Variants in ZNF143 observed in about 807,000 individuals in gnomAD.
ZNF143 encodes zinc finger protein 143, also known as SPH-binding factor.
In ZNF143, 49 loss-of-function variants were observed where a neutral mutation model predicts 74.1. The ratio of observed to expected loss-of-function variants is 0.66; its 90% confidence interval spans 0.53 to 0.84. The LOEUF (loss-of-function observed/expected upper bound fraction) is 0.84, where lower values mean the gene tolerates loss of function less well. Ranked by LOEUF, ZNF143 falls within the 40% of genes least tolerant of loss-of-function variation. The pLI is 0.00. For synonymous variants in ZNF143, 304 were observed against 282.8 expected, an observed-to-expected ratio of 1.07 and a Z score of -0.75; for missense variants, 637 against 793.4, an observed-to-expected ratio of 0.80 and a Z score of 2.37.
intron 13 of ZNF143, among the ~76,000 whole-genome samples, chr11:9,513,622 G>A (rs1275972540): frequency 6.6e-6 from 1 of 152,240 alleles, no homozygotes; most frequent in Middle Eastern, 3.2e-3. Flanking sequence ...GGGTCCAGGC[G>A]CGGAGGCTTA....
At position 9,479,468 on chromosome 11, in the gene ZNF143, A is replaced by G. The variant is rs374795083; in HGVS notation, c.571-4A>G. The G allele has an allele frequency of 2.7e-5, 43 of 1,610,560 alleles. No individual in the cohort carries two copies. The highest frequency in any genetic ancestry group is 7.7e-5 in the South Asian group (7 of 90,814). On this transcript the variant is annotated splice_region_variant and splice_polypyrimidine_tract_variant and intron_variant, in intron 6 of 15. Coordinates refer to ENST00000396602, the MANE Select transcript of ZNF143 (RefSeq NM_003442.6). ...CATTTTAAAGCTTTATTTTATTCCT[A>G]TAGGTGTCCATTGATGGAAGTGAAA...
intron 14 of ZNF143, among the ~76,000 whole-genome samples, chr11:9,516,893 C>G (rs1589945636): frequency 6.6e-6 from 1 of 152,084 alleles, no homozygotes; most frequent in African/African-American, 2.4e-5. Context: ...AAATAGTCAT[C>G]TCCCCCTACC....
intron 11 of ZNF143, among the ~76,000 whole-genome samples, chr11:9,502,182 C>A (rs1287799304): frequency 6.8e-6 from 1 of 147,626 alleles, no homozygotes; most frequent in Non-Finnish European, 1.5e-5. Flanking sequence ...GTGATCTGCC[C>A]GCCTCGGCCT....
chr11:9,506,186 G>T (rs1848358540), intron 11 of ZNF143, among the ~76,000 whole-genome samples: 2 of 152,128 alleles, frequency 1.3e-5, no homozygotes, highest in Admixed American at 6.6e-5. Context: ...ACAAAAGTTA[G>T]CTGGGTGTGG....
intron 12 of ZNF143, among the ~76,000 whole-genome samples, chr11:9,511,825 C>A (rs551421871): frequency 6.7e-6 from 1 of 148,464 alleles, no homozygotes; most frequent in South Asian, 2.1e-4. Context: ...GATCTCGGCT[C>A]ACTGCAACCT....
At chr11:9,472,824 G>A (rs992573221) in intron 3 of ZNF143, 55 bp downstream of exon 3, 2 of 1,358,128 alleles carry the variant, frequency 1.5e-6, no homozygotes, top group African/African-American at 1.5e-5. Context: ...TAACCTGTGA[G>A]TTGGAGCACC....
intron 14 of ZNF143, among the ~76,000 whole-genome samples, chr11:9,518,721 G>GA (rs796709183): frequency 0.14 from 17,460 of 124,860 alleles, 1,252 homozygotes; most frequent in Middle Eastern, 0.2. Flanking sequence ...CCGTCTTAAA[G>GA]AAAAAAAAAA....
chr11:9,500,126 T>C (rs977246203), intron 10 of ZNF143, among the ~76,000 whole-genome samples: 2 of 152,050 alleles, frequency 1.3e-5, no homozygotes, highest in African/African-American at 4.8e-5. Flanking sequence ...TGAATTTTTT[T>C]TGTAGAGACG....
Position 9,478,121 on chromosome 11 carries a change from C to T in ZNF143, c.374-269C>T, listed in dbSNP as rs112814206. Among the ~76,000 whole-genome samples, 558 of 152,300 alleles carry T rather than the reference C, an allele frequency of 3.7e-3. 9 individuals are homozygous for T. The highest frequency in any genetic ancestry group is 0.012 in the African/African-American group (507 of 41,572). ...GATTATAGGCTTGAGCCACTGCACCCGGCCTGTTAATGTTTTTTAAATTTT... is the reference window on the plus strand; with the variant it reads ...GATTATAGGCTTGAGCCACTGCACCTGGCCTGTTAATGTTTTTTAAATTTT... On this transcript the variant is annotated intron_variant, in intron 5 of 15. Coordinates refer to ENST00000396602, the MANE Select transcript of ZNF143 (RefSeq NM_003442.6).
At chr11:9,472,803 C>T in intron 3 of ZNF143, 34 bp downstream of exon 3, 1 of 1,478,486 alleles carries the variant, frequency 6.8e-7, no homozygotes, top group Non-Finnish European at 9.0e-7. Context: ...TTGGTTAATA[C>T]CAGTGATTTA....
chr11:9,468,359 G>T (rs192088212), intron 1 of ZNF143, among the ~76,000 whole-genome samples: 1 of 152,166 alleles, frequency 6.6e-6, no homozygotes, highest in Non-Finnish European at 1.5e-5. Context: ...TTCCTGACAG[G>T]TATTTTTAGC....
chr11:9,501,868 T>C (rs1279217229), intron 11 of ZNF143, among the ~76,000 whole-genome samples: 1 of 151,534 alleles, frequency 6.6e-6, no homozygotes, highest in African/African-American at 2.4e-5. Flanking sequence ...GTTAAGGTAC[T>C]TCTTAAACTG....
intron 14 of ZNF143, among the ~76,000 whole-genome samples, chr11:9,518,592 C>T (rs1848802170): frequency 6.6e-6 from 1 of 152,048 alleles, no homozygotes; most frequent in Admixed American, 6.6e-5. Flanking sequence ...GGCAGGGTGC[C>T]TGTAATCACA....
intron 11 of ZNF143, among the ~76,000 whole-genome samples, chr11:9,505,721 A>G (rs1848339034): frequency 6.6e-6 from 1 of 151,658 alleles, no homozygotes; most frequent in African/African-American, 2.4e-5. Flanking sequence ...GTCTCTACCA[A>G]AAAATACAAA....
intron 13 of ZNF143, among the ~76,000 whole-genome samples, chr11:9,513,236 C>A (rs551581241): frequency 3.3e-5 from 5 of 152,272 alleles, no homozygotes; most frequent in African/African-American, 1.2e-4. Flanking sequence ...TCTGTGTCTT[C>A]CTCTTTCATG....
chr11:9,461,953 G>A (rs1855885601), intron 1 of ZNF143: 2 of 152,188 alleles, frequency 1.3e-5, no homozygotes, highest in African/African-American at 4.8e-5. Context: ...GAGAATGTGG[G>A]GAGAAATTGT....
At chr11:9,525,072 C>T (rs1849076896) in intron 14 of ZNF143, 168 bp from the exon 15 acceptor site, 4 of 760,766 alleles carry the variant, frequency 5.3e-6, no homozygotes, top group East Asian at 2.9e-5. Flanking sequence ...GATAATGAGC[C>T]TCAACTTCCT....
chr11:9,509,638 T>C (rs1848472128), intron 12 of ZNF143, among the ~76,000 whole-genome samples: 1 of 152,192 alleles, frequency 6.6e-6, no homozygotes, highest in Non-Finnish European at 1.5e-5. Context: ...TATTGAAGCA[T>C]TGAAAAACAT....
At chr11:9,516,641 TC>T (rs1351979342) in intron 14 of ZNF143, among the ~76,000 whole-genome samples, 1 of 152,224 alleles carries the variant, frequency 6.6e-6, no homozygotes, top group Non-Finnish European at 1.5e-5. Flanking sequence ...TGGTAGCTAT[TC>T]CTATTATCAT....
Sources: gnomAD v4.1 joint callset for allele counts (sites outside exome capture counted in the v4.1 genomes callset) on GRCh38, gnomAD v4.1.1 for gene constraint, MANE v1.5 for transcripts, NCBI Gene and HGNC (gene_info 2026-07-23, HGNC 2026-07-21) for gene names.